CALCRL: variants seen among roughly 807,000 people sequenced by gnomAD.
CALCRL encodes the protein calcitonin gene-related peptide type 1 receptor.
CALCRL carries 27 observed loss-of-function variants against 60.4 expected under a neutral mutation model. The ratio of observed to expected loss-of-function variants is 0.45; its 90% CI spans 0.33 to 0.62. CALCRL has a LOEUF of 0.62. CALCRL is among the 20% of genes least tolerant of loss of function. The pLI is 0.03. For synonymous variants in CALCRL, 190 were observed against 182.6 expected, an observed-to-expected ratio of 1.04 and a Z score of -0.33; for missense variants, 424 against 540.7, an observed-to-expected ratio of 0.78 and a Z score of 2.14.
At chr2:187,393,309 G>T (rs998377029) in intron 1 of CALCRL, among the ~76,000 whole-genome samples, 3 of 152,062 alleles carry the variant, frequency 2.0e-5, no homozygotes, top group Non-Finnish European at 4.4e-5. Context: ...TATACTTGGG[G>T]AAGCACAATA....
chr2:187,368,449 T>A (rs1297610022), intron 8 of CALCRL, among the ~76,000 whole-genome samples: 2 of 152,104 alleles, frequency 1.3e-5, no homozygotes, highest in African/African-American at 4.8e-5. Flanking sequence ...AATTTCCATA[T>A]GATGAAGGGC....
chr2:187,360,970 GA>G (rs201441848), intron 9 of CALCRL, among the ~76,000 whole-genome samples: 2 of 151,800 alleles, frequency 1.3e-5, no homozygotes, highest in African/African-American at 4.8e-5. Flanking sequence ...ATATCTTCCA[GA>G]AAAAAAGTGT....
chr2:187,377,651 G>A (rs536257113), intron 8 of CALCRL, among the ~76,000 whole-genome samples: 44 of 152,104 alleles, frequency 2.9e-4, no homozygotes, highest in Non-Finnish European at 5.9e-4. Context: ...TATGGGAAAA[G>A]TTATAGTCAA....
chr2:187,445,252 T>C (rs573410269), intron 1 of CALCRL, among the ~76,000 whole-genome samples: 3 of 151,724 alleles, frequency 2.0e-5, no homozygotes, highest in African/African-American at 7.2e-5. Flanking sequence ...CGCTTGTGTT[T>C]ATGGTTTAAT....
At chr2:187,388,719 CAG>C (rs1198395684) in intron 1 of CALCRL, among the ~76,000 whole-genome samples, 2 of 152,038 alleles carry the variant, frequency 1.3e-5, no homozygotes, top group East Asian at 3.8e-4. Flanking sequence ...TATTTATTAA[CAG>C]ATATATTTTA....
intron 4 of CALCRL, 34 bp from the exon 5 acceptor site, chr2:187,383,339 A>G (rs768738226): frequency 1.3e-6 from 2 of 1,557,098 alleles, no homozygotes; most frequent in Non-Finnish European, 8.7e-7. Flanking sequence ...CATCAACTTC[A>G]TGAAAAGGAT....
intron 1 of CALCRL, among the ~76,000 whole-genome samples, chr2:187,397,788 A>G (rs953088895): frequency 6.6e-6 from 1 of 151,690 alleles, no homozygotes; most frequent in Non-Finnish European, 1.5e-5. Context: ...AAGTCAGAAC[A>G]TACAGTATTT....
chr2:187,440,939 G>T (rs1268107727), intron 1 of CALCRL, among the ~76,000 whole-genome samples: 1 of 151,976 alleles, frequency 6.6e-6, no homozygotes, highest in South Asian at 2.1e-4. Flanking sequence ...TTTCACTCCT[G>T]CCAGGTTGTT....
chr2:187,354,438 C>G, intron 12 of CALCRL, among the ~76,000 whole-genome samples: 1 of 151,940 alleles, frequency 6.6e-6, no homozygotes, highest in East Asian at 1.9e-4. Context: ...TGTAGTCACT[C>G]CAGTACCACC....
chr2:187,442,099 T>TAC (rs1690939727), intron 1 of CALCRL: 1 of 95,204 alleles, frequency 1.1e-5, no homozygotes, highest in Non-Finnish European at 2.2e-5. Context: ...TATATATATA[T>TAC]ATATATACAT....
intron 8 of CALCRL, among the ~76,000 whole-genome samples, chr2:187,370,118 A>C (rs553567392): frequency 6.6e-6 from 1 of 152,276 alleles, no homozygotes; most frequent in African/African-American, 2.4e-5. Flanking sequence ...AATTATTCCC[A>C]TCTCTTTCAT....
chr2:187,405,165 T>A (rs1355830114), intron 1 of CALCRL, among the ~76,000 whole-genome samples: 3 of 151,970 alleles, frequency 2.0e-5, no homozygotes, highest in Non-Finnish European at 4.4e-5. Flanking sequence ...TGATAACTGC[T>A]AAGTAAGTGG....
intron 8 of CALCRL, among the ~76,000 whole-genome samples, chr2:187,372,174 T>C (rs76294527): frequency 5.8e-4 from 88 of 152,118 alleles, no homozygotes; most frequent in African/African-American, 1.4e-3. Flanking sequence ...TTTTTTTTTT[T>C]CCCTATAAAA....
At chr2:187,399,890 A>C (rs1291819339) in intron 1 of CALCRL, among the ~76,000 whole-genome samples, 2 of 151,624 alleles carry the variant, frequency 1.3e-5, no homozygotes, top group East Asian at 3.9e-4. Context: ...GAAGAAGATA[A>C]AAAGTTGATC....
intron 1 of CALCRL, among the ~76,000 whole-genome samples, chr2:187,402,670 C>A (rs368578613): frequency 2.1e-4 from 32 of 151,574 alleles, no homozygotes; most frequent in African/African-American, 7.3e-4. Context: ...TAGTGGCAGC[C>A]AGAACTGCTA....
At chr2:187,359,657 T>G (rs970316016) in intron 10 of CALCRL, among the ~76,000 whole-genome samples, 5 of 152,072 alleles carry the variant, frequency 3.3e-5, no homozygotes, top group Admixed American at 6.6e-5. Flanking sequence ...GGAAAAAAGT[T>G]GAGAATCACA....
At chr2:187,434,706 T>A (rs1312804700) in intron 1 of CALCRL, among the ~76,000 whole-genome samples, 1 of 152,172 alleles carries the variant, frequency 6.6e-6, no homozygotes, top group Non-Finnish European at 1.5e-5. Flanking sequence ...ATCCAGATGT[T>A]CCTCAGCAGG....
chr2:187,415,426 C>T, intron 1 of CALCRL: 2 of 224,140 alleles, frequency 8.9e-6, no homozygotes, highest in Non-Finnish European at 1.8e-5. Flanking sequence ...TAAAAGGTGG[C>T]ATGCTTGAAA....
intron 1 of CALCRL, among the ~76,000 whole-genome samples, chr2:187,394,564 TCTTAAC>T (rs1187777372): frequency 6.6e-6 from 1 of 152,082 alleles, no homozygotes; most frequent in Non-Finnish European, 1.5e-5. Context: ...CAGTCATTCC[TCTTAAC>T]CTTAACAATA....
Sources: gnomAD v4.1 joint callset for allele counts (sites outside exome capture counted in the v4.1 genomes callset) on GRCh38, gnomAD v4.1.1 for gene constraint, MANE v1.5 for transcripts, NCBI Gene and HGNC (gene_info 2026-07-23, HGNC 2026-07-21) for gene names.